CDC73: variants seen among roughly 807,000 people sequenced by gnomAD.
CDC73 encodes parafibromin.
CDC73 carries 21 observed loss-of-function variants against 83.7 expected under a neutral mutation model. That is an observed-to-expected ratio of 0.25 (90% CI 0.18 to 0.36). CDC73 has a LOEUF of 0.36. CDC73 is among the 10% of genes least tolerant of loss of function. CDC73 has a pLI of 1.00. For missense variants in CDC73, 342 were observed against 653.3 expected, an observed-to-expected ratio of 0.52 and a Z score of 5.19; for synonymous variants, 224 against 212.9, an observed-to-expected ratio of 1.05 and a Z score of -0.45.
At chr1:193,144,390 T>C (rs897548354) in intron 7 of CDC73, among the ~76,000 whole-genome samples, 2 of 151,620 alleles carry the variant, frequency 1.3e-5, no homozygotes, top group African/African-American at 4.8e-5. Flanking sequence ...GATGATAATA[T>C]TGATTAATTC....
chr1:193,148,093 TCTGAAAGATGTGAAAGCC>T (rs1280843274), intron 8 of CDC73, 128 bp downstream of exon 8: 16 of 725,506 alleles, frequency 2.2e-5, no homozygotes, highest in Non-Finnish European at 4.0e-5. Flanking sequence ...CTTTAGCATA[TCTGAAAGATGTGAAAGCC>T]CTCCCCAACA....
chr1:193,230,150 T>TC (rs1677636008), intron 13 of CDC73, among the ~76,000 whole-genome samples: 1 of 150,832 alleles, frequency 6.6e-6, no homozygotes, highest in African/African-American at 2.5e-5. Flanking sequence ...ATTCTTTTTT[T>TC]TTTTTTTTTT....
intron 10 of CDC73, among the ~76,000 whole-genome samples, chr1:193,160,269 T>C (rs1423334421): frequency 1.3e-5 from 2 of 152,134 alleles, no homozygotes; most frequent in Middle Eastern, 3.2e-3. Context: ...AAAGAAAAGT[T>C]ATTGTTGCCA....
intron 10 of CDC73, among the ~76,000 whole-genome samples, chr1:193,153,808 GC>G (rs1441638788): frequency 1.3e-5 from 2 of 152,152 alleles, no homozygotes; most frequent in Admixed American, 6.5e-5. Flanking sequence ...TGGTCATACA[GC>G]TGTGAATAAG....
chr1:193,197,236 A>C (rs1375058939), intron 10 of CDC73, among the ~76,000 whole-genome samples: 1 of 152,134 alleles, frequency 6.6e-6, no homozygotes, highest in Non-Finnish European at 1.5e-5. Flanking sequence ...GTATTATTAA[A>C]TATTAATACA....
chr1:193,128,755 C>T (rs1419262394), intron 2 of CDC73, among the ~76,000 whole-genome samples: 1 of 152,112 alleles, frequency 6.6e-6, no homozygotes, highest in Non-Finnish European at 1.5e-5. Flanking sequence ...ATTGAGGAGT[C>T]AGTGCAGAAT....
intron 9 of CDC73, among the ~76,000 whole-genome samples, chr1:193,152,023 G>A (rs1676122517): frequency 1.3e-5 from 2 of 152,076 alleles, no homozygotes; most frequent in Admixed American, 1.3e-4. Flanking sequence ...ATAACTTTGG[G>A]TCTTTTCATG....
At chr1:193,133,916 T>A (rs1429077670) in intron 3 of CDC73, among the ~76,000 whole-genome samples, 4 of 152,110 alleles carry the variant, frequency 2.6e-5, no homozygotes, top group Non-Finnish European at 5.9e-5. Context: ...GGATTTTTTT[T>A]TTTTTAACCT....
rs1046560430 is a variant in CDC73, at chr1:193,201,371, C to A, written c.973-2424C>A. Among the ~76,000 whole-genome samples the A allele has an allele frequency of 5.3e-5, 8 of 152,292 alleles. No individual in the cohort carries two copies. In the South Asian group the frequency reaches 1.4e-3, roughly 28 times the overall value. On this transcript the variant is annotated intron_variant, in intron 10 of 16. Transcript: ENST00000367435. ...TAGATATTATAAAGTGTATTATATT[C>A]TACCTCTTTTCTTGCGTTATAGCTT...
intron 13 of CDC73, among the ~76,000 whole-genome samples, chr1:193,229,511 A>G (rs1677621438): frequency 6.6e-6 from 1 of 152,224 alleles, no homozygotes; most frequent in African/African-American, 2.4e-5. Flanking sequence ...ACGGTTTACA[A>G]ACCAGGAAGT....
At chr1:193,240,126 T>G (rs1222268950) in intron 15 of CDC73, among the ~76,000 whole-genome samples, 1 of 152,188 alleles carries the variant, frequency 6.6e-6, no homozygotes, top group Non-Finnish European at 1.5e-5. Flanking sequence ...TGTCTTTCTG[T>G]GCCTGGTTTC....
At chr1:193,158,542 A>G (rs181612684) in intron 10 of CDC73, among the ~76,000 whole-genome samples, 5 of 152,226 alleles carry the variant, frequency 3.3e-5, no homozygotes, top group African/African-American at 1.2e-4. Context: ...AAAATTATAT[A>G]AAGTGTTCAG....
At chr1:193,181,814 C>T (rs962783222) in intron 10 of CDC73, 4 of 395,884 alleles carry the variant, frequency 1.0e-5, no homozygotes, top group Non-Finnish European at 1.8e-5. Context: ...ATTTATTTCC[C>T]CTTGGCAACA....
chr1:193,155,271 A>G (rs999691499), intron 10 of CDC73, among the ~76,000 whole-genome samples: 1 of 152,350 alleles, frequency 6.6e-6, no homozygotes, highest in Admixed American at 6.5e-5. Flanking sequence ...AGTAAGAATT[A>G]TTCAAACTTA....
At chr1:193,210,274 T>C (rs1000984763) in intron 11 of CDC73, among the ~76,000 whole-genome samples, 4 of 152,186 alleles carry the variant, frequency 2.6e-5, no homozygotes, top group African/African-American at 9.7e-5. Flanking sequence ...TTAGTGAAAA[T>C]GTAGCATTTT....
intron 15 of CDC73, among the ~76,000 whole-genome samples, chr1:193,237,495 A>C (rs1382230307): frequency 6.6e-6 from 1 of 152,110 alleles, no homozygotes; most frequent in Non-Finnish European, 1.5e-5. Context: ...CTGATAGCAA[A>C]GATTAGATAA....
rs183871628 is a variant in CDC73, at chr1:193,126,779, A to G, written c.237+1562A>G. The stretch of plus-strand genomic sequence containing the variant: ...AACAATCTTCTTAAACTTTTCTTAT[A>G]GTTCTTAAAACAATTTTTTAAAATA... On this transcript the variant is annotated intron_variant, in intron 2 of 16. Transcript: ENST00000367435. 7.6e-3 allele frequency among the ~76,000 whole-genome samples: 1,154 copies of G among 152,264 alleles called. 16 individuals carry two copies. The highest frequency in any genetic ancestry group is 0.026 in the African/African-American group (1,070 of 41,546).
chr1:193,139,635 A>G (rs1023323658), intron 6 of CDC73, among the ~76,000 whole-genome samples: 2 of 152,130 alleles, frequency 1.3e-5, no homozygotes, highest in Non-Finnish European at 2.9e-5. Context: ...CACACCAAAC[A>G]TCATATATAC....
At chr1:193,177,876 T>C (rs981866348) in intron 10 of CDC73, among the ~76,000 whole-genome samples, 20 of 152,238 alleles carry the variant, frequency 1.3e-4, no homozygotes, top group Admixed American at 3.3e-4. Flanking sequence ...TCACCACTTA[T>C]ATACTTGATC....
Sources: allele counts gnomAD v4.1 joint callset (sites outside exome capture counted in the v4.1 genomes callset), GRCh38; gene constraint gnomAD v4.1.1; transcripts MANE v1.5; gene names NCBI Gene and HGNC (gene_info 2026-07-23, HGNC 2026-07-21).